Variants in ZNF438 observed in about 807,000 individuals in gnomAD.
ZNF438 encodes zinc finger protein 438.
A neutral mutation model predicts 38.0 loss-of-function variants in ZNF438; 25 were observed. The observed-to-expected ratio is 0.66, with a 90% CI of 0.48 to 0.92. ZNF438 has a LOEUF of 0.92. Ranked by LOEUF, ZNF438 falls within the 40% of genes least tolerant of loss-of-function variation. ZNF438 has a pLI of 0.00. For synonymous variants in ZNF438, 372 were observed against 364.1 expected (o/e 1.02, Z -0.25); for missense variants, 1,007 against 999.6 (o/e 1.01, Z -0.10).
chr10:30,845,372 C>G, exon 6 of ZNF438: 1 of 1,614,184 alleles, frequency 6.2e-7, no homozygotes, highest in Non-Finnish European at 8.5e-7. Context: ...GCTGCACCAA[C>G]TCTTCCTGAG....
At chr10:30,969,074 A>C (rs2050457760) in intron 1 of ZNF438, among the ~76,000 whole-genome samples, 1 of 152,184 alleles carries the variant, frequency 6.6e-6, no homozygotes, top group Admixed American at 6.5e-5. Flanking sequence ...ATGGAATTTC[A>C]TGGGTCACTT....
At chr10:31,015,064 T>C (rs993157802) in intron 1 of ZNF438, among the ~76,000 whole-genome samples, 5 of 152,308 alleles carry the variant, frequency 3.3e-5, no homozygotes, top group Non-Finnish European at 5.9e-5. Flanking sequence ...GGTCTTGCTA[T>C]GTTACCCAGA....
chr10:30,934,541 G>T (rs911659555), intron 2 of ZNF438, among the ~76,000 whole-genome samples: 1 of 152,126 alleles, frequency 6.6e-6, no homozygotes, highest in African/African-American at 2.4e-5. Flanking sequence ...TAACTGTCTT[G>T]CAGTACTCAC....
At chr10:31,030,261 G>A in intron 1 of ZNF438, among the ~76,000 whole-genome samples, 1 of 152,058 alleles carries the variant, frequency 6.6e-6, no homozygotes, top group East Asian at 1.9e-4. Context: ...TTCCCCCACT[G>A]TCCTCCTTTC....
chr10:30,966,756 T>A (rs1305472485), intron 1 of ZNF438, among the ~76,000 whole-genome samples: 1 of 151,786 alleles, frequency 6.6e-6, no homozygotes, highest in East Asian at 1.9e-4. Flanking sequence ...ATGATTAATA[T>A]CAGCAATTCA....
At chr10:30,968,216 C>G (rs986470927) in intron 1 of ZNF438, among the ~76,000 whole-genome samples, 5 of 152,014 alleles carry the variant, frequency 3.3e-5, no homozygotes, top group African/African-American at 1.2e-4. Flanking sequence ...CAAACTCATC[C>G]TAAGTAGGGA....
intron 2 of ZNF438, among the ~76,000 whole-genome samples, chr10:30,936,911 C>T (rs1413416013): frequency 1.3e-5 from 2 of 151,954 alleles, no homozygotes; most frequent in Non-Finnish European, 2.9e-5. Flanking sequence ...GGTTCATTGC[C>T]TCCAAACATA....
chr10:31,005,783 T>C (rs557607554), intron 1 of ZNF438, among the ~76,000 whole-genome samples: 4 of 152,354 alleles, frequency 2.6e-5, no homozygotes, highest in African/African-American at 9.6e-5. Flanking sequence ...TATTTACTAT[T>C]TGAACAATGC....
intron 1 of ZNF438, among the ~76,000 whole-genome samples, chr10:30,969,572 A>G (rs1358105121): frequency 6.6e-6 from 1 of 152,124 alleles, no homozygotes; most frequent in Non-Finnish European, 1.5e-5. Flanking sequence ...CCCAGAATAA[A>G]CCACACTTTT....
intron 1 of ZNF438, among the ~76,000 whole-genome samples, chr10:31,009,085 T>C (rs906503320): frequency 9.2e-5 from 14 of 152,248 alleles, no homozygotes; most frequent in Admixed American, 7.9e-4. Flanking sequence ...TTAGATCCGT[T>C]GCCCATTTTA....
intron 1 of ZNF438, among the ~76,000 whole-genome samples, chr10:30,985,454 T>C (rs2136550166): frequency 6.6e-6 from 1 of 152,030 alleles, no homozygotes; most frequent in South Asian, 2.1e-4. Flanking sequence ...TTGGCTCCAT[T>C]AACAGAAAAA....
intron 1 of ZNF438, among the ~76,000 whole-genome samples, chr10:30,975,533 T>G (rs1445776567): frequency 1.3e-5 from 2 of 152,116 alleles, no homozygotes; most frequent in Non-Finnish European, 2.9e-5. Context: ...CACCATAAAA[T>G]CCATTAATCC....
chr10:31,001,443 C>T (rs1024204517), intron 1 of ZNF438, among the ~76,000 whole-genome samples: 1 of 152,098 alleles, frequency 6.6e-6, no homozygotes, highest in Admixed American at 6.6e-5. Flanking sequence ...CACCCTATTT[C>T]CTGAGAGTTC....
intron 2 of ZNF438, among the ~76,000 whole-genome samples, chr10:30,927,074 T>A (rs980593254): frequency 3.3e-5 from 5 of 152,194 alleles, no homozygotes; most frequent in African/African-American, 1.2e-4. Flanking sequence ...TGGGGTAGTT[T>A]TGAGAGTAGA....
intron 2 of ZNF438, chr10:30,921,032 C>T (rs2044238451): frequency 6.6e-6 from 1 of 152,106 alleles, no homozygotes; most frequent in Non-Finnish European, 1.5e-5. Context: ...ATTTGTTTTA[C>T]CTAGAAAGAG....
exon 6 of ZNF438, chr10:30,845,455 G>A (rs2031745921): frequency 1.2e-6 from 2 of 1,614,126 alleles, no homozygotes; most frequent in Non-Finnish European, 1.7e-6. Flanking sequence ...TCAAGTAAAT[G>A]AAATTTTATT....
intron 1 of ZNF438, among the ~76,000 whole-genome samples, chr10:31,007,331 A>AAGT (rs1466637072): frequency 4.7e-4 from 65 of 138,306 alleles, no homozygotes; most frequent in African/African-American, 1.8e-3. Flanking sequence ...GCCCTGGCTG[A>AAGT]AGTGCAGTGG....
At chr10:30,936,841 G>A (rs1281341732) in intron 2 of ZNF438, among the ~76,000 whole-genome samples, 1 of 151,924 alleles carries the variant, frequency 6.6e-6, no homozygotes, top group Non-Finnish European at 1.5e-5. Flanking sequence ...TTTTTTAAAA[G>A]GAGGCAGGTC....
In ZNF438 at chr10:30,852,908, A is replaced by G. The variant is rs894566058; in HGVS notation, c.38-2541T>C. On this transcript the variant is annotated intron_variant, in intron 4 of 5. Transcript: ENST00000413025. ...TCTTCCTACATAATTTTAATTTTTAAGTTTTATTTTCATAGCCTTTAAATT... is the reference window on the plus strand; with the variant it reads ...TCTTCCTACATAATTTTAATTTTTAGGTTTTATTTTCATAGCCTTTAAATT... 3.9e-5 allele frequency among the ~76,000 whole-genome samples: 6 copies of G among 152,210 alleles called. 1 individual carries two copies. In the South Asian group the frequency reaches 1.0e-3, roughly 26 times the overall value.
Sources: allele counts gnomAD v4.1 joint callset (sites outside exome capture counted in the v4.1 genomes callset), GRCh38; gene constraint gnomAD v4.1.1; transcripts MANE v1.5; gene names NCBI Gene and HGNC (gene_info 2026-07-23, HGNC 2026-07-21).